The following CAMKMT variants were observed in gnomAD, a reference collection of about 807,000 sequenced individuals.
The protein encoded by CAMKMT is CaM KMT.
A neutral mutation model predicts 48.0 loss-of-function variants in CAMKMT; 53 were observed. That is an observed-to-expected ratio of 1.10 (90% CI 0.89 to 1.39). The LOEUF is 1.39. Ranked by LOEUF, CAMKMT falls within the 40% of genes most tolerant of loss-of-function variation. The pLI, the probability that CAMKMT is intolerant of heterozygous loss-of-function variation, is 0.00. For synonymous variants in CAMKMT, 165 were observed against 152.3 expected (o/e 1.08, Z -0.61); for missense variants, 428 against 402.7 (o/e 1.06, Z -0.54).
chr2:44,458,476 AAGT>A (rs1394453667), intron 3 of CAMKMT, among the ~76,000 whole-genome samples: 1 of 152,196 alleles, frequency 6.6e-6, no homozygotes, highest in Non-Finnish European at 1.5e-5. Flanking sequence ...TCTGGACAAA[AAGT>A]AGGTGCTCAA....
At chr2:44,506,632 G>C (rs140964180) in intron 3 of CAMKMT, among the ~76,000 whole-genome samples, 1 of 152,236 alleles carries the variant, frequency 6.6e-6, no homozygotes, top group East Asian at 1.9e-4. Context: ...TATGAATACA[G>C]ATACTGGTAA....
intron 3 of CAMKMT, among the ~76,000 whole-genome samples, chr2:44,695,886 A>C (rs1211390436): frequency 6.6e-6 from 1 of 151,366 alleles, no homozygotes; most frequent in Admixed American, 6.6e-5. Flanking sequence ...GATTCAGCCA[A>C]CCTCTGATCC....
chr2:44,738,211 A>G (rs1386263748), intron 7 of CAMKMT, among the ~76,000 whole-genome samples: 1 of 152,082 alleles, frequency 6.6e-6, no homozygotes, highest in Non-Finnish European at 1.5e-5. Context: ...CATCTATGCT[A>G]TGGCCTGGAA....
chr2:44,641,568 A>G (rs2104002160), intron 3 of CAMKMT, among the ~76,000 whole-genome samples: 1 of 151,674 alleles, frequency 6.6e-6, no homozygotes, highest in East Asian at 1.9e-4. Flanking sequence ...ATATATATAT[A>G]TAATTTTGAG....
At chr2:44,535,010 A>AGG (rs1181752438) in intron 3 of CAMKMT, among the ~76,000 whole-genome samples, 2 of 151,784 alleles carry the variant, frequency 1.3e-5, no homozygotes, top group South Asian at 2.1e-4. Flanking sequence ...CAAAGGGGAG[A>AGG]GGGGGAGAGA....
intron 3 of CAMKMT, among the ~76,000 whole-genome samples, chr2:44,490,317 C>G (rs775692661): frequency 6.6e-6 from 1 of 151,764 alleles, no homozygotes; most frequent in Non-Finnish European, 1.5e-5. Context: ...CTCTCGTTGC[C>G]CAGACTGGAG....
chr2:44,509,419 C>G (rs932848557), intron 3 of CAMKMT, among the ~76,000 whole-genome samples: 13 of 152,070 alleles, frequency 8.5e-5, no homozygotes, highest in African/African-American at 3.1e-4. Flanking sequence ...AAGTGATCTT[C>G]CCACCTCAGC....
chr2:44,465,147 G>A (rs1668043733), intron 3 of CAMKMT, among the ~76,000 whole-genome samples: 1 of 152,102 alleles, frequency 6.6e-6, no homozygotes, highest in Non-Finnish European at 1.5e-5. Flanking sequence ...GGGAAGAGAT[G>A]TAAAGGAATG....
At chr2:44,536,634 G>A (rs769694358) in intron 3 of CAMKMT, among the ~76,000 whole-genome samples, 14 of 151,756 alleles carry the variant, frequency 9.2e-5, no homozygotes, top group Admixed American at 4.6e-4. Context: ...GGCCTCCAAC[G>A]TTATTTTTCG....
intron 3 of CAMKMT, among the ~76,000 whole-genome samples, chr2:44,505,927 G>A (rs1365569954): frequency 4.0e-5 from 6 of 151,846 alleles, no homozygotes; most frequent in Admixed American, 6.6e-5. Flanking sequence ...AAGTGCAGTG[G>A]CGCGATCTTG....
At chr2:44,615,219 C>A (rs1158073904) in intron 3 of CAMKMT, among the ~76,000 whole-genome samples, 2 of 152,020 alleles carry the variant, frequency 1.3e-5, no homozygotes, top group Non-Finnish European at 2.9e-5. Flanking sequence ...ATTACTATGC[C>A]CTGCCTGGTT....
chr2:44,631,662 A>T, intron 3 of CAMKMT: 1 of 416,084 alleles, frequency 2.4e-6, no homozygotes, highest in Non-Finnish European at 4.2e-6. Context: ...CCATCTGACA[A>T]GTTTTTCTTT....
chr2:44,443,067 A>G (rs972780653), intron 3 of CAMKMT, among the ~76,000 whole-genome samples: 3 of 152,180 alleles, frequency 2.0e-5, no homozygotes, highest in African/African-American at 7.2e-5. Context: ...GTGTTTGAAG[A>G]TTTAAAATAT....
At chr2:44,385,290 G>C (rs1328369439) in intron 2 of CAMKMT, among the ~76,000 whole-genome samples, 1 of 151,938 alleles carries the variant, frequency 6.6e-6, no homozygotes, top group South Asian at 2.1e-4. Flanking sequence ...CTTGGTTGCC[G>C]TTGGTGTATA....
chr2:44,546,154 GAC>G (rs4039614), intron 3 of CAMKMT, among the ~76,000 whole-genome samples: 27,711 of 128,602 alleles, frequency 0.22, 2,880 homozygotes, highest in Middle Eastern at 0.33. Context: ...AGACTGCTAG[GAC>G]ACACACACAC....
At chr2:44,666,196 A>G (rs1338846465) in intron 3 of CAMKMT, among the ~76,000 whole-genome samples, 2 of 152,184 alleles carry the variant, frequency 1.3e-5, no homozygotes, top group Non-Finnish European at 1.5e-5. Context: ...AATGTGAGGG[A>G]AAAAATTGTT....
intron 3 of CAMKMT, among the ~76,000 whole-genome samples, chr2:44,456,080 T>G (rs698792): frequency 0.76 from 115,033 of 152,062 alleles, 43,651 homozygotes; most frequent in South Asian, 0.88. Context: ...TCTTGTAACC[T>G]AAATGGTGCC....
intron 3 of CAMKMT, among the ~76,000 whole-genome samples, chr2:44,411,346 G>A (rs930800927): frequency 6.6e-6 from 1 of 152,284 alleles, no homozygotes; most frequent in Middle Eastern, 3.4e-3. Context: ...AAAAGACATT[G>A]TCTTATAGAA....
intron 3 of CAMKMT, among the ~76,000 whole-genome samples, chr2:44,450,419 T>C (rs768194642): frequency 1.3e-5 from 2 of 152,142 alleles, no homozygotes; most frequent in African/African-American, 2.4e-5. Flanking sequence ...TTTTCAGTCA[T>C]TGAGTTTTGA....
Sources: allele counts gnomAD v4.1 joint callset (sites outside exome capture counted in the v4.1 genomes callset), GRCh38; gene constraint gnomAD v4.1.1; transcripts MANE v1.5; gene names NCBI Gene and HGNC (gene_info 2026-07-23, HGNC 2026-07-21).